Variants in IST1 observed in about 807,000 individuals in gnomAD.
The protein encoded by IST1 is IST1 factor associated with ESCRT-III.
A neutral mutation model predicts 37.0 loss-of-function variants in IST1; 23 were observed. That is an observed-to-expected ratio of 0.62 (90% CI 0.45 to 0.88). The LOEUF (loss-of-function observed/expected upper bound fraction) is 0.88. Among genes scored for constraint, IST1 ranks in the 40% least tolerant of loss-of-function variants. The pLI is 0.00. For synonymous variants in IST1, 180 were observed against 161.7 expected, an observed-to-expected ratio of 1.11 and a Z score of -0.86; for missense variants, 488 against 445.4, an observed-to-expected ratio of 1.10 and a Z score of -0.86.
At chr16:71,921,040 T>A (rs1391170976) in intron 5 of IST1, 5 of 619,280 alleles carry the variant, frequency 8.1e-6, no homozygotes, top group Middle Eastern at 5.6e-4. Flanking sequence ...TTCCCCACTT[T>A]GTATGCCTCG....
intron 4 of IST1, among the ~76,000 whole-genome samples, chr16:71,919,524 CAA>C (rs2037534061): frequency 6.6e-6 from 1 of 152,162 alleles, no homozygotes; most frequent in Admixed American, 6.5e-5. Context: ...GTAGCTGAGA[CAA>C]GAGGTGCGTG....
Position 71,927,982 on chromosome 16 carries a change from C to T in IST1, c.*169C>T, listed in dbSNP as rs1404028685. 5.0e-6 allele frequency: 3 copies of T among 598,490 alleles called. No individual in the cohort carries two copies. The highest frequency in any genetic ancestry group is 8.9e-6 in the Non-Finnish European group (3 of 336,758). The allele number at this position is 598,490 out of a possible 1,614,324, so 37.1% of individuals were successfully genotyped here. A position where few individuals can be genotyped will look rare whatever the true frequency, so the allele number is the denominator to read the frequency against. ...CCAGATTCTGCTGCTTTCCAGTTCT[C>T]TGTTGATCCTGAGACTAACAATTGG... On this transcript the variant is annotated 3_prime_UTR_variant, in exon 10 of 10. Coordinates refer to ENST00000378799, the MANE Select transcript of IST1 (RefSeq NM_001270975.2).
intron 1 of IST1, among the ~76,000 whole-genome samples, chr16:71,900,018 T>TA (rs1351442011): frequency 6.8e-6 from 1 of 146,104 alleles, no homozygotes; most frequent in Non-Finnish European, 1.5e-5. Context: ...AAAAAAAAAT[T>TA]AGCTGGGCGT....
intron 1 of IST1, among the ~76,000 whole-genome samples, chr16:71,907,517 T>TC (rs1301649838): frequency 1.3e-5 from 2 of 152,148 alleles, no homozygotes; most frequent in Non-Finnish European, 2.9e-5. Flanking sequence ...GACCTCGTGA[T>TC]CCGCCCGCCT....
Position 71,930,477 on chromosome 16 carries a change from T to TA in IST1, c.*2665dup, listed in dbSNP as rs537718944. ...ATGTCACATGAGTTTTGGCAAAAAA[T>TA]ACATCTAATCATGGAAGCTAAAAGT... On this transcript the variant is annotated 3_prime_UTR_variant, in exon 10 of 10. Coordinates refer to ENST00000378799, the MANE Select transcript of IST1 (RefSeq NM_001270975.2). 129 of 234,024 alleles carry TA rather than the reference T, an allele frequency of 5.5e-4. 1 individual carries two copies. The highest frequency in any genetic ancestry group is 2.6e-3 in the African/African-American group (116 of 44,658). The allele number at this position is 234,024 out of a possible 1,614,324, so 14.5% of individuals were successfully genotyped here.
chr16:71,898,863 G>A lies in IST1; in HGVS notation c.-16+3274G>A, dbSNP rs542167522. Among the ~76,000 whole-genome samples the A allele has an allele frequency of 9.2e-5, 14 of 151,736 alleles. No homozygotes were observed. In the East Asian group the frequency reaches 2.7e-3, roughly 29 times the overall value. On this transcript the variant is annotated intron_variant, in intron 1 of 9. Transcript: ENST00000378799. ...GCCTGTTCTCCCAGCTACTCGGGAGGCTGAGGCAGGAGAATCACTTGAACC... is the reference window on the plus strand; with the variant it reads ...GCCTGTTCTCCCAGCTACTCGGGAGACTGAGGCAGGAGAATCACTTGAACC...
intron 8 of IST1, chr16:71,923,959 G>C (rs2037674605): frequency 2.9e-6 from 1 of 350,578 alleles, no homozygotes; most frequent in South Asian, 2.2e-5. Flanking sequence ...TAGGCCTTTT[G>C]AGACCTGTCT....
intron 1 of IST1, among the ~76,000 whole-genome samples, chr16:71,902,041 T>G (rs1327291133): frequency 6.6e-6 from 1 of 152,216 alleles, no homozygotes; most frequent in Non-Finnish European, 1.5e-5. Flanking sequence ...TTTTAAAATA[T>G]GGGTCCATTG....
chr16:71,925,575 A>T (rs983036350), intron 9 of IST1, among the ~76,000 whole-genome samples: 2 of 151,974 alleles, frequency 1.3e-5, no homozygotes, highest in Non-Finnish European at 2.9e-5. Context: ...CAGCCTCCCA[A>T]AGTGCTGAGA....
chr16:71,927,846 G>C lies in IST1; in HGVS notation c.*33G>C. The C allele has an allele frequency of 6.8e-7, 1 of 1,468,972 alleles. No homozygotes were observed. The highest frequency in any genetic ancestry group is 9.5e-7 in the Non-Finnish European group (1 of 1,053,688). The allele number at this position is 1,468,972 out of a possible 1,614,324, so 91.0% of individuals were successfully genotyped here. A position where few individuals can be genotyped will look rare whatever the true frequency, so the allele number is the denominator to read the frequency against. Reference sequence around the variant, plus strand: ...AAACCAGGCAACTTTCACGTTTTGGGAGTTGAGACTGAGCAATTTCTCCTT... The same window carrying C: ...AAACCAGGCAACTTTCACGTTTTGGCAGTTGAGACTGAGCAATTTCTCCTT... On this transcript the variant is annotated 3_prime_UTR_variant, in exon 10 of 10. Coordinates refer to ENST00000378799, the MANE Select transcript of IST1 (RefSeq NM_001270975.2).
intron 1 of IST1, 72 bp downstream of exon 1, chr16:71,895,661 C>G (rs1242188193): frequency 1.7e-6 from 1 of 573,590 alleles, no homozygotes; most frequent in Non-Finnish European, 2.2e-6. Context: ...TTAGCGGTCT[C>G]TAGTTAGCGC....
rs749514457 is a variant in IST1, at chr16:71,921,532, C to T, written c.552+79C>T. 6.2e-6 allele frequency: 5 copies of T among 811,456 alleles called. No homozygotes were observed. The Admixed American group carries it at 8.9e-5, about 14-fold the overall frequency. The allele number at this position is 811,456 out of a possible 1,614,324, so 50.3% of individuals were successfully genotyped here. A position where few individuals can be genotyped will look rare whatever the true frequency, so the allele number is the denominator to read the frequency against. On this transcript the variant is annotated intron_variant, in intron 6 of 9. Coordinates refer to ENST00000378799, the MANE Select transcript of IST1 (RefSeq NM_001270975.2). ...TGGAAAACAAAAAAAACATTCTTTG[C>T]ACTAACTTAAATTTGTGTGAGTTTA... is the stretch of plus-strand genomic sequence containing the variant.
At chr16:71,906,907 G>A (rs2037236574) in intron 1 of IST1, among the ~76,000 whole-genome samples, 2 of 152,052 alleles carry the variant, frequency 1.3e-5, no homozygotes, top group Admixed American at 6.6e-5. Flanking sequence ...TCTCATGCCT[G>A]TAGTCCCAGC....
chr16:71,907,985 G>C (rs1015229350), intron 1 of IST1, among the ~76,000 whole-genome samples: 25 of 151,892 alleles, frequency 1.6e-4, no homozygotes, highest in Admixed American at 9.2e-4. Flanking sequence ...TCGCTCTGTT[G>C]CCCAGCTGGA....
chr16:71,927,550 C>A, intron 9 of IST1, 64 bp from the exon 10 acceptor site: 7 of 1,100,604 alleles, frequency 6.4e-6, no homozygotes, highest in Non-Finnish European at 9.5e-6. Context: ...TTTATTTTTA[C>A]TGCCAAAGGG....
chr16:71,901,466 G>T (rs1285552322), intron 1 of IST1, among the ~76,000 whole-genome samples: 1 of 152,160 alleles, frequency 6.6e-6, no homozygotes, highest in Non-Finnish European at 1.5e-5. Context: ...ACCCACCTCG[G>T]CCTCCCAAAG....
At chr16:71,916,121 C>A (rs779523757) in intron 2 of IST1, among the ~76,000 whole-genome samples, 11 of 152,148 alleles carry the variant, frequency 7.2e-5, no homozygotes, top group Non-Finnish European at 1.5e-4. Context: ...CGTGAGCTAC[C>A]ATGCCCGCCC....
At chr16:71,914,921 G>A (rs570135450) in intron 1 of IST1, among the ~76,000 whole-genome samples, 3 of 152,268 alleles carry the variant, frequency 2.0e-5, no homozygotes, top group East Asian at 1.9e-4. Flanking sequence ...AAAGTCTTGC[G>A]GGTAGAGGAC....
At chr16:71,902,864 T>G (rs1225497220) in intron 1 of IST1, among the ~76,000 whole-genome samples, 1 of 152,124 alleles carries the variant, frequency 6.6e-6, no homozygotes, top group Admixed American at 6.6e-5. Context: ...TTAGTTTCCT[T>G]GATTTTTTTT....
Sources: allele counts gnomAD v4.1 joint callset (sites outside exome capture counted in the v4.1 genomes callset), GRCh38; gene constraint gnomAD v4.1.1; transcripts MANE v1.5; gene names NCBI Gene and HGNC (gene_info 2026-07-23, HGNC 2026-07-21).